Variants in TGFBR2 observed in about 807,000 individuals in gnomAD.
TGFBR2 encodes the protein TGF-beta receptor type-2.
In TGFBR2, 18 loss-of-function variants were observed where a neutral mutation model predicts 49.0. That is an observed-to-expected ratio of 0.37 (90% CI 0.25 to 0.54). The LOEUF (loss-of-function observed/expected upper bound fraction) is 0.54. TGFBR2 is among the 20% of genes least tolerant of loss of function. TGFBR2 has a pLI of 0.85. For synonymous variants in TGFBR2, 282 were observed against 275.9 expected, an observed-to-expected ratio of 1.02 and a Z score of -0.22; for missense variants, 525 against 722.6, an observed-to-expected ratio of 0.73 and a Z score of 3.13.
intron 3 of TGFBR2, among the ~76,000 whole-genome samples, chr3:30,660,826 A>G (rs1699108959): frequency 6.6e-6 from 1 of 152,208 alleles, no homozygotes; most frequent in African/African-American, 2.4e-5. Context: ...AATGTGTCCA[A>G]AAGGTTGGAT....
chr3:30,609,583 A>G (rs1697993829), intron 1 of TGFBR2, among the ~76,000 whole-genome samples: 1 of 152,198 alleles, frequency 6.6e-6, no homozygotes, highest in African/African-American at 2.4e-5. Flanking sequence ...AAATGATCAA[A>G]ATTAAGAAAT....
rs1440478221 is a variant in TGFBR2, at chr3:30,676,433, A to G, written c.1396+2187A>G. 4.6e-5 allele frequency among the ~76,000 whole-genome samples: 7 copies of G among 152,130 alleles called. No individual in the cohort carries two copies. In the East Asian group the frequency reaches 1.3e-3, roughly 29 times the overall value. On this transcript the variant is annotated intron_variant, in intron 5 of 6. Coordinates refer to ENST00000295754, the MANE Select transcript of TGFBR2 (RefSeq NM_003242.6). This position sits in a 1 kb window ranked among gnomAD's most constrained non-coding sequence, Gnocchi z 4.3. ...TTTCTGTTTTTCTTGTTCCTTCTAT[A>G]TTTATTAATATGCATTCTCCTTTAA...
chr3:30,616,323 C>A (rs1322513042), intron 1 of TGFBR2, among the ~76,000 whole-genome samples: 2 of 152,168 alleles, frequency 1.3e-5, no homozygotes, highest in Non-Finnish European at 2.9e-5. Flanking sequence ...TTTAGCTAAA[C>A]CCTTCATCAT....
At chr3:30,623,282 T>C in intron 1 of TGFBR2, 2 of 1,613,900 alleles carry the variant, frequency 1.2e-6, no homozygotes, top group East Asian at 2.2e-5. Flanking sequence ...TAGTAAAGTA[T>C]CATTAATTAA....
chr3:30,659,146 G>A (rs1482958593), intron 3 of TGFBR2, among the ~76,000 whole-genome samples: 4 of 152,172 alleles, frequency 2.6e-5, no homozygotes, highest in Admixed American at 1.3e-4. Flanking sequence ...GTGCACTCAC[G>A]CCTCAAAATA....
At position 30,676,208 on chromosome 3, in the gene TGFBR2, G is replaced by A. The variant is rs1425443058; in HGVS notation, c.1396+1962G>A. Among the ~76,000 whole-genome samples, 1 of 152,158 alleles carries A rather than the reference G, an allele frequency of 6.6e-6. No individual in the cohort carries two copies. Among genetic ancestry groups the A allele is most frequent in the Admixed American group, 6.5e-5 (1 of 15,286 alleles). On this transcript the variant is annotated intron_variant, in intron 5 of 6. Coordinates refer to ENST00000295754, the MANE Select transcript of TGFBR2 (RefSeq NM_003242.6). The surrounding 1 kb of genome is among the most constrained non-coding windows in gnomAD (Gnocchi z 4.3). ...TGTCTGGTTATTAATGTTAAATTTG[G>A]TCCTTTGGTTAAAGTGGGACCTGCT...
At chr3:30,655,201 T>C (rs1375671661) in intron 3 of TGFBR2, among the ~76,000 whole-genome samples, 2 of 152,194 alleles carry the variant, frequency 1.3e-5, no homozygotes, top group Non-Finnish European at 2.9e-5. Flanking sequence ...GTTGGGCTTT[T>C]TATAGAGGGC....
chr3:30,618,411 T>C (rs2125449313), intron 1 of TGFBR2, among the ~76,000 whole-genome samples: 1 of 152,118 alleles, frequency 6.6e-6, no homozygotes, highest in South Asian at 2.1e-4. Context: ...GTTGTTGTTG[T>C]ATTTTTAGTA....
intron 1 of TGFBR2, among the ~76,000 whole-genome samples, chr3:30,611,105 A>C (rs1698020588): frequency 1.3e-5 from 2 of 152,230 alleles, no homozygotes; most frequent in Admixed American, 1.3e-4. Flanking sequence ...AGCCAAAGTC[A>C]TATCTTTACG....
chr3:30,618,139 G>A (rs1039294944), intron 1 of TGFBR2, among the ~76,000 whole-genome samples: 1 of 151,814 alleles, frequency 6.6e-6, no homozygotes, highest in African/African-American at 2.4e-5. Context: ...TGTTTCCCCA[G>A]TCATCCTTCA....
chr3:30,681,159 T>TGG (rs34483287), intron 5 of TGFBR2, among the ~76,000 whole-genome samples: 3 of 78,608 alleles, frequency 3.8e-5, no homozygotes, highest in Admixed American at 1.3e-4. Context: ...CCTTGTGAGA[T>TGG]GAAAAAAAAA....
At chr3:30,614,115 C>CTT (rs5847643) in intron 1 of TGFBR2, among the ~76,000 whole-genome samples, 1,408 of 120,600 alleles carry the variant, frequency 0.012, 40 homozygotes, top group African/African-American at 0.035. Context: ...TTTTTCTTTC[C>CTT]TTTTTTTTTT....
chr3:30,685,362 T>A (rs1699602845), intron 5 of TGFBR2, among the ~76,000 whole-genome samples: 1 of 152,190 alleles, frequency 6.6e-6, no homozygotes, highest in South Asian at 2.1e-4. Flanking sequence ...ATTGTGCAGA[T>A]TCACTGAGAC....
intron 1 of TGFBR2, among the ~76,000 whole-genome samples, chr3:30,619,367 A>G (rs1698188167): frequency 6.6e-6 from 1 of 152,146 alleles, no homozygotes; most frequent in Non-Finnish European, 1.5e-5. Flanking sequence ...CTCCCCCCAG[A>G]TGGCATTTTG....
At chr3:30,652,216 G>A (rs921730070) in intron 3 of TGFBR2, among the ~76,000 whole-genome samples, 8 of 134,338 alleles carry the variant, frequency 6.0e-5, no homozygotes, top group Admixed American at 1.5e-4. Flanking sequence ...CATTTCTCTC[G>A]TTTTCTTTTC....
At chr3:30,688,557 G>A in intron 6 of TGFBR2, 46 bp downstream of exon 6, 1 of 1,612,948 alleles carries the variant, frequency 6.2e-7, no homozygotes, top group Non-Finnish European at 8.5e-7. Context: ...CAACCAAGTT[G>A]CCTCTTAGGT....
chr3:30,620,644 T>C (rs1300279859), intron 1 of TGFBR2, among the ~76,000 whole-genome samples: 1 of 152,110 alleles, frequency 6.6e-6, no homozygotes, highest in Admixed American at 6.5e-5. Flanking sequence ...CTCTCATGTG[T>C]GAATCTTTTG....
chr3:30,685,139 G>A (rs2125448845), intron 5 of TGFBR2, among the ~76,000 whole-genome samples: 1 of 152,328 alleles, frequency 6.6e-6, no homozygotes, highest in South Asian at 2.1e-4. Context: ...TGAGTATAGG[G>A]ATTGTTGTTG....
intron 3 of TGFBR2, among the ~76,000 whole-genome samples, chr3:30,666,874 A>G (rs544197492): frequency 8.4e-4 from 128 of 151,724 alleles, no homozygotes; most frequent in African/African-American, 2.8e-3. Context: ...TCAAACTCCT[A>G]GGCTCAAGTG....
Sources: allele counts gnomAD v4.1 joint callset (sites outside exome capture counted in the v4.1 genomes callset), GRCh38; gene constraint gnomAD v4.1.1; non-coding constraint Gnocchi (gnomAD v3.1); transcripts MANE v1.5; gene names NCBI Gene and HGNC (gene_info 2026-07-23, HGNC 2026-07-21).